EFTUD2: variants seen among roughly 807,000 people sequenced by gnomAD.
EFTUD2 encodes 116 kDa U5 small nuclear ribonucleoprotein component.
In EFTUD2, 9 loss-of-function variants were observed where a neutral mutation model predicts 114.3. That is an observed-to-expected ratio of 0.08 (90% CI 0.05 to 0.14). The LOEUF is 0.14. Ranked by LOEUF, EFTUD2 falls within the 10% of genes least tolerant of loss-of-function variation. The pLI, the probability that EFTUD2 is intolerant of heterozygous loss-of-function variation, is 1.00. For missense variants in EFTUD2, 765 were observed against 1,241.2 expected (o/e 0.62, Z 5.76); for synonymous variants, 449 against 462.3 (o/e 0.97, Z 0.37).
intron 2 of EFTUD2, among the ~76,000 whole-genome samples, chr17:44,892,762 T>C (rs1010596754): frequency 1.3e-5 from 2 of 149,280 alleles, no homozygotes; most frequent in African/African-American, 5.0e-5. Context: ...CTCAGCCTCC[T>C]GAGTAGCTGG....
intron 10 of EFTUD2, among the ~76,000 whole-genome samples, chr17:44,873,956 G>A (rs1176374944): frequency 6.7e-5 from 10 of 149,212 alleles, no homozygotes; most frequent in Non-Finnish European, 1.0e-4. Flanking sequence ...GGATGGTCTC[G>A]ATCTCCTGAC....
rs1357012432 is a variant in EFTUD2, at chr17:44,859,682, T to TCACTGCCCCCTCCTA, written c.1860+208_1860+222dup. 6 of 620,738 alleles carry TCACTGCCCCCTCCTA rather than the reference T, an allele frequency of 9.7e-6. No individual in the cohort carries two copies. The African/African-American group carries it at 1.2e-4, about 12-fold the overall frequency. The allele number at this position is 620,738 out of a possible 1,614,324, so 38.5% of individuals were successfully genotyped here. ...ACACAACCTTGTCCTATACCCCCCA[T>TCACTGCCCCCTCCTA]CACTGCCCCCTCCTACACAGGTCTT... On this transcript the variant is annotated intron_variant, in intron 18 of 27. Coordinates refer to ENST00000426333, the MANE Select transcript of EFTUD2 (RefSeq NM_004247.4).
chr17:44,899,185 A>C (rs1455919102), intron 1 of EFTUD2, 184 bp downstream of exon 1: 1 of 152,216 alleles, frequency 6.6e-6, no homozygotes, highest in Non-Finnish European at 1.5e-5. Flanking sequence ...CGCGCTTCGG[A>C]AGCCTTGGGA....
intron 27 of EFTUD2, 28 bp from the exon 28 acceptor site, chr17:44,851,397 AG>A (rs1209403380): frequency 6.3e-7 from 1 of 1,578,392 alleles, no homozygotes; most frequent in Non-Finnish European, 8.7e-7. Context: ...AATATAAGAA[AG>A]CCCGAGGTGG....
chr17:44,852,312 T>C, intron 26 of EFTUD2, 97 bp downstream of exon 26: 1 of 1,501,622 alleles, frequency 6.7e-7, no homozygotes, highest in South Asian at 1.2e-5. Flanking sequence ...CAGGATGCTG[T>C]ACACCTCACT....
In EFTUD2 at chr17:44,864,910, G is replaced by C. The variant is rs1199202567; in HGVS notation, c.1285+20C>G. On this transcript the variant is annotated intron_variant, in intron 14 of 27. Transcript: ENST00000426333. ...GGGCACGAGGATGACAGAGTTAAGGGGCCACGAGCACATTATTACCTGTGA... is the reference window on the plus strand; with the variant it reads ...GGGCACGAGGATGACAGAGTTAAGGCGCCACGAGCACATTATTACCTGTGA... 1 of 1,612,532 alleles carries C rather than the reference G, an allele frequency of 6.2e-7. No individual in the cohort carries two copies. The highest frequency in any genetic ancestry group is 1.1e-5 in the South Asian group (1 of 90,968).
intron 7 of EFTUD2, among the ~76,000 whole-genome samples, chr17:44,881,338 C>A (rs80034508): frequency 6.6e-6 from 1 of 152,172 alleles, no homozygotes; most frequent in Non-Finnish European, 1.5e-5. Context: ...ACTCATCCTG[C>A]GGATTTTTAA....
intron 1 of EFTUD2, among the ~76,000 whole-genome samples, chr17:44,897,122 A>T (rs112720271): frequency 6.7e-6 from 1 of 149,516 alleles, no homozygotes; most frequent in Admixed American, 6.7e-5. Context: ...AGGCTGAGGC[A>T]GGAGAATGGT....
At chr17:44,892,526 A>G (rs570958201) in intron 2 of EFTUD2, among the ~76,000 whole-genome samples, 145 of 152,150 alleles carry the variant, frequency 9.5e-4, no homozygotes, top group Non-Finnish European at 1.7e-3. Context: ...CTGGGGAAGA[A>G]GAGTGAATGG....
At position 44,879,643 on chromosome 17, in the gene EFTUD2, A is replaced by G; in HGVS notation, c.620-5T>C. ...CATCAGAGAAATTCACATGTCCTGA[A>G]AAGCAAATACTAAGTAAGTCATCAC... On this transcript the variant is annotated splice_region_variant and splice_polypyrimidine_tract_variant and intron_variant, in intron 8 of 27. Coordinates refer to ENST00000426333, the MANE Select transcript of EFTUD2 (RefSeq NM_004247.4). 3 of 1,613,714 alleles carry G rather than the reference A, an allele frequency of 1.9e-6. No individual in the cohort carries two copies. In the East Asian group the frequency reaches 6.7e-5, roughly 36 times the overall value.
rs1383364609 is a variant in EFTUD2, at chr17:44,853,410, A to C, written c.2467-20T>G. The C allele has an allele frequency of 6.2e-7, 1 of 1,614,002 alleles. No individual in the cohort carries two copies. The highest frequency in any genetic ancestry group is 8.5e-7 in the Non-Finnish European group (1 of 1,179,892). On this transcript the variant is annotated intron_variant, in intron 24 of 27. Coordinates refer to ENST00000426333, the MANE Select transcript of EFTUD2 (RefSeq NM_004247.4). Reference sequence around the variant, plus strand: ...AGTAGCCTGCAGCAGAGCAAGAAGAAAGGCCCCTCAGCTTGGGGAAGGCTG... The same window carrying C: ...AGTAGCCTGCAGCAGAGCAAGAAGACAGGCCCCTCAGCTTGGGGAAGGCTG...
At chr17:44,892,427 C>T (rs894843178) in intron 2 of EFTUD2, 2 of 152,158 alleles carry the variant, frequency 1.3e-5, no homozygotes, top group Non-Finnish European at 2.9e-5. Flanking sequence ...CTTTGTGTCC[C>T]ACTGTTCAAC....
chr17:44,856,661 A>T (rs1381710547), intron 20 of EFTUD2, among the ~76,000 whole-genome samples: 1 of 152,136 alleles, frequency 6.6e-6, no homozygotes, highest in Non-Finnish European at 1.5e-5. Context: ...AACAAAAAAT[A>T]AAAAAATTAA....
At position 44,854,061 on chromosome 17, in the gene EFTUD2, G is replaced by C. The variant is rs1395981240; in HGVS notation, c.2347+208C>G. On this transcript the variant is annotated intron_variant, in intron 23 of 27. Transcript: ENST00000426333. This position sits in a 1 kb window ranked among gnomAD's most constrained non-coding sequence, Gnocchi z 4.3. ...TCTCAGAAATGAGGAGCAAATGACA[G>C]TTTAGAAATGACTTAAATTTCCATT... 1 of 1,399,290 alleles carries C rather than the reference G, an allele frequency of 7.1e-7. No homozygotes were observed. Among genetic ancestry groups the C allele is most frequent in the East Asian group, 2.6e-5 (1 of 38,118 alleles). The allele number at this position is 1,399,290 out of a possible 1,614,324, so 86.7% of individuals were successfully genotyped here. A position where few individuals can be genotyped will look rare whatever the true frequency, so the allele number is the denominator to read the frequency against.
chr17:44,886,807 T>A, intron 2 of EFTUD2, 57 bp from the exon 3 acceptor site: 1 of 1,554,896 alleles, frequency 6.4e-7, no homozygotes, highest in Non-Finnish European at 8.7e-7. Flanking sequence ...CTGTTTGATA[T>A]CTGACTACCT....
At chr17:44,888,630 T>C (rs1245230344) in intron 2 of EFTUD2, among the ~76,000 whole-genome samples, 1 of 152,132 alleles carries the variant, frequency 6.6e-6, no homozygotes, top group African/African-American at 2.4e-5. Flanking sequence ...TCTGGATACA[T>C]TACAAAGGTA....
At chr17:44,887,004 G>A (rs895007546) in intron 2 of EFTUD2, among the ~76,000 whole-genome samples, 5 of 152,172 alleles carry the variant, frequency 3.3e-5, no homozygotes, top group Admixed American at 6.5e-5. Flanking sequence ...AGTGGGTTGA[G>A]ACTGGAGAAA....
At chr17:44,894,674 C>T (rs1041939146) in intron 1 of EFTUD2, 149 bp from the exon 2 acceptor site, 6 of 633,410 alleles carry the variant, frequency 9.5e-6, no homozygotes, top group Non-Finnish European at 1.7e-5. Flanking sequence ...GAATGCTCCT[C>T]CCAAAGCCCA....
chr17:44,860,171 G>T, intron 17 of EFTUD2, 126 bp from the exon 18 acceptor site: 1 of 1,363,280 alleles, frequency 7.3e-7, no homozygotes, highest in Non-Finnish European at 1.0e-6. Flanking sequence ...GGAGCCTGGT[G>T]CTGAGTGGGG....
Sources: gnomAD v4.1 joint callset for allele counts (sites outside exome capture counted in the v4.1 genomes callset) on GRCh38, gnomAD v4.1.1 for gene constraint, Gnocchi (gnomAD v3.1) non-coding constraint, MANE v1.5 for transcripts, NCBI Gene and HGNC (gene_info 2026-07-23, HGNC 2026-07-21) for gene names.